Variants in EXOC2 observed in about 807,000 individuals in gnomAD.
EXOC2 encodes exocyst complex component 2.
EXOC2 carries 70 observed loss-of-function variants against 131.8 expected under a neutral mutation model. The ratio of observed to expected loss-of-function variants is 0.53; its 90% CI spans 0.44 to 0.65. The LOEUF is 0.65. Among genes scored for constraint, EXOC2 ranks in the 30% least tolerant of loss-of-function variants. The pLI is 0.00. For synonymous variants in EXOC2, 411 were observed against 398.4 expected (o/e 1.03, Z -0.38); for missense variants, 923 against 1,108.6 (o/e 0.83, Z 2.38).
intron 4 of EXOC2, among the ~76,000 whole-genome samples, chr6:625,151 C>T (rs1000117800): frequency 9.2e-5 from 14 of 152,218 alleles, no homozygotes; most frequent in African/African-American, 3.4e-4. Context: ...GGAGAAGACA[C>T]AGGCCTGTGG....
intron 3 of EXOC2, among the ~76,000 whole-genome samples, chr6:631,708 C>T (rs1761866987): frequency 2.0e-5 from 3 of 151,820 alleles, no homozygotes; most frequent in African/African-American, 7.3e-5. Context: ...TGTTTAAGTC[C>T]CTCTAGAAAA....
chr6:502,088 T>C (rs1764245977), intron 23 of EXOC2, among the ~76,000 whole-genome samples: 1 of 152,128 alleles, frequency 6.6e-6, no homozygotes, highest in South Asian at 2.1e-4. Context: ...GAGATCCACA[T>C]GCTCAGGTCT....
Position 556,688 on chromosome 6 carries a change from C to T in EXOC2, c.1852-124G>A, listed in dbSNP as rs1481582424. Reference sequence around the variant, plus strand: ...AGATTAATGGAATGGAACAGACACACGATCTGAAAAGTCATCTCCTAGTCA... The same window carrying T: ...AGATTAATGGAATGGAACAGACACATGATCTGAAAAGTCATCTCCTAGTCA... On this transcript the variant is annotated intron_variant, in intron 17 of 27. Coordinates refer to ENST00000230449, the MANE Select transcript of EXOC2 (RefSeq NM_018303.6). 1.8e-5 allele frequency: 18 copies of T among 1,004,410 alleles called. No homozygotes were observed. In the East Asian group the frequency reaches 2.3e-4, roughly 13 times the overall value. The allele number at this position is 1,004,410 out of a possible 1,614,324, so 62.2% of individuals were successfully genotyped here.
intron 10 of EXOC2, among the ~76,000 whole-genome samples, chr6:597,279 C>T (rs1252424235): frequency 6.6e-6 from 1 of 151,848 alleles, no homozygotes; most frequent in Admixed American, 6.6e-5. Flanking sequence ...CGGGTTCAAG[C>T]GATTCTCCTG....
At chr6:567,689 T>C (rs1048167919) in intron 13 of EXOC2, among the ~76,000 whole-genome samples, 11 of 152,176 alleles carry the variant, frequency 7.2e-5, no homozygotes, top group Non-Finnish European at 1.2e-4. Context: ...GTTGTGTGTG[T>C]GCATGCATAC....
At position 562,920 on chromosome 6, in the gene EXOC2, A is replaced by G. The variant is rs1450007294; in HGVS notation, c.1790-75T>C. On this transcript the variant is annotated intron_variant, in intron 16 of 27. Transcript: ENST00000230449. Reference sequence around the variant, plus strand: ...TTTTATACAGATTAAAAATGTATACAGGTTATGGTTTTTCATTGTTTTATA... The same window carrying G: ...TTTTATACAGATTAAAAATGTATACGGGTTATGGTTTTTCATTGTTTTATA... The G allele has an allele frequency of 3.7e-6, 4 of 1,076,456 alleles. No individual in the cohort carries two copies. In the African/African-American group the frequency reaches 6.5e-5, roughly 18 times the overall value. 66.7% of individuals were successfully genotyped at this position (1,076,456 alleles called of 1,614,324 possible). A position where few individuals can be genotyped will look rare whatever the true frequency, so the allele number is the denominator to read the frequency against.
intron 1 of EXOC2, among the ~76,000 whole-genome samples, chr6:687,960 T>TA (rs780743135): frequency 1.3e-5 from 2 of 152,208 alleles, no homozygotes; most frequent in African/African-American, 2.4e-5. Flanking sequence ...AGGAAGGCTT[T>TA]AGTAAGACAT....
intron 23 of EXOC2, among the ~76,000 whole-genome samples, chr6:504,552 G>A (rs1017362916): frequency 2.0e-5 from 3 of 152,170 alleles, no homozygotes; most frequent in Admixed American, 1.3e-4. Context: ...TATCAGTAAC[G>A]TTAGTGCTTG....
chr6:646,010 A>G (rs1762563977), intron 1 of EXOC2, among the ~76,000 whole-genome samples: 1 of 152,210 alleles, frequency 6.6e-6, no homozygotes, highest in Non-Finnish European at 1.5e-5. Context: ...TTCAAAGAGT[A>G]CAGGTTATTT....
At chr6:545,615 C>T (rs570063067) in intron 22 of EXOC2, among the ~76,000 whole-genome samples, 39 of 152,244 alleles carry the variant, frequency 2.6e-4, no homozygotes, top group African/African-American at 6.3e-4. Flanking sequence ...TTTAACCTAT[C>T]GAATTAAACA....
At chr6:552,604 C>T (rs890290950) in intron 21 of EXOC2, among the ~76,000 whole-genome samples, 2 of 143,404 alleles carry the variant, frequency 1.4e-5, no homozygotes, top group African/African-American at 5.3e-5. Context: ...ATATCTCTAC[C>T]TGTATGTCAC....
intron 6 of EXOC2, among the ~76,000 whole-genome samples, chr6:612,893 C>T (rs1760787193): frequency 2.0e-5 from 3 of 152,158 alleles, no homozygotes; most frequent in Non-Finnish European, 2.9e-5. Flanking sequence ...AGTGATAATG[C>T]TGGACTTGCC....
intron 23 of EXOC2, among the ~76,000 whole-genome samples, chr6:516,186 G>A (rs2127513819): frequency 6.6e-6 from 1 of 152,328 alleles, no homozygotes; most frequent in African/African-American, 2.4e-5. Context: ...CCTTACCGCA[G>A]AGGGCAAAGA....
intron 1 of EXOC2, among the ~76,000 whole-genome samples, chr6:686,660 C>T (rs1764669144): frequency 6.6e-6 from 1 of 152,196 alleles, no homozygotes; most frequent in Admixed American, 6.5e-5. Context: ...GCACTGGATT[C>T]TATCTTAATT....
chr6:631,496 A>C (rs1261558672), intron 3 of EXOC2, among the ~76,000 whole-genome samples: 22 of 151,896 alleles, frequency 1.4e-4, no homozygotes, highest in Admixed American at 1.4e-3. Context: ...CAAGATTGAG[A>C]TCGCGCCATT....
At chr6:516,513 C>G (rs1039730111) in intron 23 of EXOC2, among the ~76,000 whole-genome samples, 1 of 152,232 alleles carries the variant, frequency 6.6e-6, no homozygotes, top group Non-Finnish European at 1.5e-5. Context: ...CTCTGCAGGG[C>G]AGGCCTGAAG....
chr6:654,922 T>A (rs1763002594), intron 1 of EXOC2, among the ~76,000 whole-genome samples: 1 of 150,552 alleles, frequency 6.6e-6, no homozygotes, highest in Non-Finnish European at 1.5e-5. Flanking sequence ...AGAAAGTGAC[T>A]TTTTTGAGAT....
chr6:583,373 G>C (rs1150826), intron 11 of EXOC2, among the ~76,000 whole-genome samples: 518 of 152,286 alleles, frequency 3.4e-3, no homozygotes, highest in African/African-American at 0.012. Flanking sequence ...CAGTGGAAAA[G>C]AACCAGCTGC....
intron 25 of EXOC2, among the ~76,000 whole-genome samples, chr6:495,056 T>C (rs1251047135): frequency 3.6e-5 from 1 of 28,090 alleles, no homozygotes; most frequent in Non-Finnish European, 1.6e-4. Flanking sequence ...TTAAAACAAT[T>C]TTTTTTTTTT....
Sources: allele counts gnomAD v4.1 joint callset (sites outside exome capture counted in the v4.1 genomes callset), GRCh38; gene constraint gnomAD v4.1.1; transcripts MANE v1.5; gene names NCBI Gene and HGNC (gene_info 2026-07-23, HGNC 2026-07-21).